The following CCDC178 variants were observed in gnomAD, a reference collection of about 807,000 sequenced individuals.
The protein encoded by CCDC178 is coiled-coil domain containing 178.
In CCDC178, 126 loss-of-function variants were observed where a neutral mutation model predicts 117.4. The observed-to-expected ratio is 1.07, with a 90% CI of 0.93 to 1.24. The LOEUF is 1.24. CCDC178 is among the 50% of genes most tolerant of loss of function. The pLI, the probability that CCDC178 is intolerant of heterozygous loss-of-function variation, is 0.00. For missense variants in CCDC178, 1,030 were observed against 986.9 expected (o/e 1.04, Z -0.59); for synonymous variants, 283 against 313.4 (o/e 0.90, Z 1.02).
At chr18:33,142,223 G>T (rs1156894808) in intron 20 of CCDC178, among the ~76,000 whole-genome samples, 1 of 152,082 alleles carries the variant, frequency 6.6e-6, no homozygotes, top group East Asian at 1.9e-4. Flanking sequence ...GGATGTTACT[G>T]GTGTCTAACA....
At chr18:32,966,717 T>C (rs964485304) in intron 22 of CCDC178, among the ~76,000 whole-genome samples, 3 of 151,844 alleles carry the variant, frequency 2.0e-5, no homozygotes, top group African/African-American at 7.2e-5. Flanking sequence ...TGAGTATGAT[T>C]GTATTGAATG....
intron 21 of CCDC178, among the ~76,000 whole-genome samples, chr18:32,992,337 T>C (rs538892839): frequency 6.6e-6 from 1 of 152,320 alleles, no homozygotes; most frequent in African/African-American, 2.4e-5. Flanking sequence ...TAAATACACA[T>C]TTTGGATCAA....
At chr18:33,020,876 T>C (rs150767869) in intron 21 of CCDC178, among the ~76,000 whole-genome samples, 7 of 152,338 alleles carry the variant, frequency 4.6e-5, no homozygotes, top group Admixed American at 2.0e-4. Flanking sequence ...ACTACTATTA[T>C]TTGAAAATGA....
At chr18:33,413,530 G>GA (rs5823896) in intron 2 of CCDC178, among the ~76,000 whole-genome samples, 98,985 of 150,732 alleles carry the variant, frequency 0.66, 32,690 homozygotes, top group South Asian at 0.81. Context: ...TGGGTAAATT[G>GA]AAAAAAAAAT....
At chr18:33,248,881 C>A (rs4799342) in intron 14 of CCDC178, among the ~76,000 whole-genome samples, 1 of 151,006 alleles carries the variant, frequency 6.6e-6, no homozygotes, top group South Asian at 2.1e-4. Flanking sequence ...ACAGTCCCAC[C>A]AACAGTGTAA....
At chr18:33,028,586 T>G (rs1399872624) in intron 21 of CCDC178, among the ~76,000 whole-genome samples, 2 of 151,866 alleles carry the variant, frequency 1.3e-5, no homozygotes, top group Non-Finnish European at 3.0e-5. Flanking sequence ...TTTATTTTTT[T>G]GATTACTAAT....
At chr18:33,414,199 G>A (rs969394921) in intron 2 of CCDC178, among the ~76,000 whole-genome samples, 3 of 151,938 alleles carry the variant, frequency 2.0e-5, no homozygotes, top group Admixed American at 6.6e-5. Flanking sequence ...TAATATTGTC[G>A]ATTTGAAAAG....
chr18:33,149,778 G>A (rs2058319060), intron 20 of CCDC178, among the ~76,000 whole-genome samples: 1 of 152,198 alleles, frequency 6.6e-6, no homozygotes, highest in Admixed American at 6.5e-5. Flanking sequence ...TAAACACTAT[G>A]TATTTGAACA....
intron 20 of CCDC178, among the ~76,000 whole-genome samples, chr18:33,166,664 A>G (rs577509922): frequency 6.6e-6 from 1 of 152,210 alleles, no homozygotes; most frequent in African/African-American, 2.4e-5. Flanking sequence ...TCATCTTTCT[A>G]TCAGTAATAC....
At chr18:33,397,278 C>A (rs2063652563) in intron 3 of CCDC178, 70 bp from the exon 4 acceptor site, 2 of 1,009,568 alleles carry the variant, frequency 2.0e-6, no homozygotes, top group Non-Finnish European at 3.1e-6. Context: ...CTATATTGCA[C>A]TAGTAAGGAT....
chr18:33,133,454 G>A (rs904150598), intron 20 of CCDC178, among the ~76,000 whole-genome samples: 2 of 151,824 alleles, frequency 1.3e-5, no homozygotes, highest in African/African-American at 4.8e-5. Context: ...TCAAACTACT[G>A]TAAACATATT....
At chr18:33,220,247 T>TA (rs1444264847) in intron 18 of CCDC178, among the ~76,000 whole-genome samples, 1 of 152,048 alleles carries the variant, frequency 6.6e-6, no homozygotes, top group African/African-American at 2.4e-5. Flanking sequence ...CAGTGGGTGT[T>TA]ACAATGCACC....
chr18:33,115,031 C>A (rs1024510767), intron 20 of CCDC178, among the ~76,000 whole-genome samples: 6 of 152,054 alleles, frequency 3.9e-5, no homozygotes, highest in Admixed American at 1.3e-4. Flanking sequence ...CTTGATTACA[C>A]GATCTCATGT....
intron 5 of CCDC178, among the ~76,000 whole-genome samples, chr18:33,385,552 A>C (rs1030782123): frequency 6.6e-6 from 1 of 152,204 alleles, no homozygotes; most frequent in Non-Finnish European, 1.5e-5. Flanking sequence ...CTCAAGATTA[A>C]AAAGCCCACT....
intron 12 of CCDC178, among the ~76,000 whole-genome samples, chr18:33,277,624 G>C (rs1227637749): frequency 6.6e-6 from 1 of 152,004 alleles, no homozygotes; most frequent in African/African-American, 2.4e-5. Context: ...ATCTCATTAA[G>C]GTTGTAATCT....
chr18:33,297,635 A>T (rs1243942793), intron 11 of CCDC178, among the ~76,000 whole-genome samples: 1 of 152,186 alleles, frequency 6.6e-6, no homozygotes, highest in Non-Finnish European at 1.5e-5. Flanking sequence ...AAGAAACAGA[A>T]AGCCTAAACA....
chr18:33,422,121 A>G (rs1440806189), intron 2 of CCDC178, among the ~76,000 whole-genome samples: 1 of 152,114 alleles, frequency 6.6e-6, no homozygotes. Context: ...ATCCTCTTGA[A>G]TTATTACTTC....
intron 11 of CCDC178, among the ~76,000 whole-genome samples, chr18:33,319,022 C>T (rs926226150): frequency 6.6e-6 from 1 of 151,954 alleles, no homozygotes; most frequent in Non-Finnish European, 1.5e-5. Flanking sequence ...AGCCAGAAAG[C>T]ACTCTCTCTT....
intron 12 of CCDC178, among the ~76,000 whole-genome samples, chr18:33,285,796 T>C (rs1253673505): frequency 6.6e-6 from 1 of 152,164 alleles, no homozygotes. Context: ...TTAAAATCTT[T>C]AGCATGGTCA....
Sources: allele counts gnomAD v4.1 joint callset (sites outside exome capture counted in the v4.1 genomes callset), GRCh38; gene constraint gnomAD v4.1.1; transcripts MANE v1.5; gene names NCBI Gene and HGNC (gene_info 2026-07-23, HGNC 2026-07-21).